Variants in STK32B observed in about 807,000 individuals in gnomAD.
The protein encoded by STK32B is serine/threonine-protein kinase 32B.
STK32B carries 43 observed loss-of-function variants against 52.6 expected under a neutral mutation model. The observed-to-expected ratio is 0.82, with a 90% CI of 0.64 to 1.05. The LOEUF (loss-of-function observed/expected upper bound fraction) is 1.05. Ranked by LOEUF, STK32B falls within the 50% of genes least tolerant of loss-of-function variation. STK32B has a pLI of 0.00. For synonymous variants in STK32B, 238 were observed against 204.3 expected, an observed-to-expected ratio of 1.17 and a Z score of -1.41; for missense variants, 621 against 534.6, an observed-to-expected ratio of 1.16 and a Z score of -1.59.
At chr4:5,494,604 T>C (rs1176878981) in intron 11 of STK32B, among the ~76,000 whole-genome samples, 4 of 152,174 alleles carry the variant, frequency 2.6e-5, no homozygotes, top group Non-Finnish European at 4.4e-5. Flanking sequence ...ATGTGTGAAT[T>C]TGATCCTGTC....
intron 6 of STK32B, among the ~76,000 whole-genome samples, chr4:5,418,448 C>T (rs1314376114): frequency 6.6e-6 from 1 of 152,232 alleles, no homozygotes. Flanking sequence ...GTAATCAGTG[C>T]TGCACAAAGG....
chr4:5,462,153 ATGTGTCTG>A (rs568170746), intron 9 of STK32B, among the ~76,000 whole-genome samples: 313 of 146,410 alleles, frequency 2.1e-3, no homozygotes, highest in African/African-American at 7.3e-3. Flanking sequence ...GTGTGTACCC[ATGTGTCTG>A]TGTGTCTGTA....
Position 5,267,602 on chromosome 4 carries a change from A to G in STK32B, c.261-63618A>G, listed in dbSNP as rs553298316. 2.0e-5 allele frequency among the ~76,000 whole-genome samples: 3 copies of G among 152,340 alleles called. No homozygotes were observed. The South Asian group carries it at 6.2e-4, about 32-fold the overall frequency. The stretch of plus-strand genomic sequence containing the variant: ...CCCAGGGTCGCGCAGCAAGTCTGGC[A>G]CACAGTAAGTCAGTCGCACAGCTGG... On this transcript the variant is annotated intron_variant, in intron 3 of 11. Transcript: ENST00000282908.
At chr4:5,402,475 G>C (rs778808787) in intron 5 of STK32B, among the ~76,000 whole-genome samples, 1 of 152,252 alleles carries the variant, frequency 6.6e-6, no homozygotes, top group South Asian at 2.1e-4. Context: ...TGACCATAAA[G>C]AATGTAGTCT....
At chr4:5,367,482 T>C (rs1734949796) in intron 4 of STK32B, among the ~76,000 whole-genome samples, 1 of 151,298 alleles carries the variant, frequency 6.6e-6, no homozygotes, top group Admixed American at 6.6e-5. Flanking sequence ...TAGTGGAGGC[T>C]GGGGGGTCGC....
chr4:5,134,892 C>T (rs1715986026), intron 1 of STK32B, among the ~76,000 whole-genome samples: 1 of 152,230 alleles, frequency 6.6e-6, no homozygotes, highest in Non-Finnish European at 1.5e-5. Flanking sequence ...TACTAGCCAT[C>T]TTGAAAGTTC....
intron 4 of STK32B, among the ~76,000 whole-genome samples, chr4:5,385,702 T>A (rs1424746291): frequency 6.6e-6 from 1 of 152,080 alleles, no homozygotes; most frequent in Non-Finnish European, 1.5e-5. Flanking sequence ...AGCAGAGATC[T>A]AAGGCTCCTG....
chr4:5,192,283 G>A (rs11729621), intron 3 of STK32B, among the ~76,000 whole-genome samples: 14,957 of 152,270 alleles, frequency 0.098, 890 homozygotes, highest in Non-Finnish European at 0.13. Flanking sequence ...GACCCCCGCT[G>A]TGTACAACTC....
At chr4:5,481,152 C>T (rs558389989) in intron 11 of STK32B, among the ~76,000 whole-genome samples, 2 of 152,276 alleles carry the variant, frequency 1.3e-5, no homozygotes, top group Non-Finnish European at 2.9e-5. Flanking sequence ...CCTGAGGAAT[C>T]GCGACACTGA....
chr4:5,116,514 A>T (rs1449906380), intron 1 of STK32B, among the ~76,000 whole-genome samples: 2 of 152,182 alleles, frequency 1.3e-5, no homozygotes, highest in Non-Finnish European at 2.9e-5. Context: ...AGAACACTTA[A>T]TATCTACTCT....
At chr4:5,153,279 G>C (rs916361390) in intron 2 of STK32B, among the ~76,000 whole-genome samples, 2 of 152,168 alleles carry the variant, frequency 1.3e-5, no homozygotes, top group Admixed American at 6.5e-5. Context: ...CTCTGGGTCA[G>C]AGCCTGCTTC....
intron 3 of STK32B, among the ~76,000 whole-genome samples, chr4:5,320,091 C>G (rs1044206094): frequency 2.0e-5 from 3 of 152,162 alleles, no homozygotes; most frequent in African/African-American, 4.8e-5. Context: ...CAAGTCTCCA[C>G]TCTACCTAGA....
At position 5,241,317 on chromosome 4, in the gene STK32B, G is replaced by A. The variant is rs139723128; in HGVS notation, c.260+72867G>A. 2.0e-3 allele frequency among the ~76,000 whole-genome samples: 303 copies of A among 152,190 alleles called. 1 individual carries two copies. The highest frequency in any genetic ancestry group is 3.7e-3 in the Non-Finnish European group (249 of 68,010). ...ATACCAGTATAATAAAAAGATTTGAGGATCGTTGCCCCATGTACCATTATT... is the reference window on the plus strand; with the variant it reads ...ATACCAGTATAATAAAAAGATTTGAAGATCGTTGCCCCATGTACCATTATT... On this transcript the variant is annotated intron_variant, in intron 3 of 11. Coordinates refer to ENST00000282908, the MANE Select transcript of STK32B (RefSeq NM_018401.3).
chr4:5,455,363 C>T (rs1208915089), intron 7 of STK32B, among the ~76,000 whole-genome samples: 2 of 152,234 alleles, frequency 1.3e-5, no homozygotes, highest in East Asian at 3.8e-4. Flanking sequence ...CCAATGACCA[C>T]AACCTGGGAG....
rs145293714 is a variant in STK32B, at chr4:5,467,703, C to G, written c.1042-303C>G. On this transcript the variant is annotated intron_variant, in intron 10 of 11. Coordinates refer to ENST00000282908, the MANE Select transcript of STK32B (RefSeq NM_018401.3). This position sits in a 1 kb window ranked among gnomAD's most constrained non-coding sequence, Gnocchi z 5.8. ...TGAATTTCTGGTTTTCCATGCCCCTCACGTGGGCCTTAAGTGGTCAGGAAA... is the reference window on the plus strand; with the variant it reads ...TGAATTTCTGGTTTTCCATGCCCCTGACGTGGGCCTTAAGTGGTCAGGAAA... 1.8e-3 allele frequency among the ~76,000 whole-genome samples: 271 copies of G among 152,300 alleles called. No homozygotes were observed. Among genetic ancestry groups the G allele is most frequent in the African/African-American group, 6.4e-3 (264 of 41,568 alleles).
At chr4:5,277,150 A>G (rs553168043) in intron 3 of STK32B, among the ~76,000 whole-genome samples, 1 of 152,324 alleles carries the variant, frequency 6.6e-6, no homozygotes, top group Admixed American at 6.5e-5. Flanking sequence ...TTTTCAAAAT[A>G]GGATATAACA....
In STK32B at chr4:5,239,387, C is replaced by T. The variant is rs371926738; in HGVS notation, c.260+70937C>T. On this transcript the variant is annotated intron_variant, in intron 3 of 11. Transcript: ENST00000282908. ...TTGGAGGCAGGCAGGAGGTCGGCAC[C>T]GTCTGTCCAGGTGATTTGTTCTCTA... is the stretch of plus-strand genomic sequence containing the variant. 6.6e-5 allele frequency among the ~76,000 whole-genome samples: 10 copies of T among 152,202 alleles called. No homozygotes were observed. In the South Asian group the frequency reaches 8.3e-4, roughly 13 times the overall value.
intron 3 of STK32B, among the ~76,000 whole-genome samples, chr4:5,314,916 G>A (rs1365444727): frequency 1.3e-5 from 2 of 152,104 alleles, no homozygotes; most frequent in Admixed American, 1.3e-4. Flanking sequence ...AGAGCTAAGT[G>A]AAGAGTCTTC....
intron 3 of STK32B, among the ~76,000 whole-genome samples, chr4:5,317,071 T>TTA (rs1553871503): frequency 6.9e-5 from 2 of 29,024 alleles, no homozygotes; most frequent in Admixed American, 6.3e-4. Context: ...ATATAATATA[T>TTA]TATATATTAT....
Sources: allele counts gnomAD v4.1 joint callset (sites outside exome capture counted in the v4.1 genomes callset), GRCh38; gene constraint gnomAD v4.1.1; non-coding constraint Gnocchi (gnomAD v3.1); transcripts MANE v1.5; gene names NCBI Gene and HGNC (gene_info 2026-07-23, HGNC 2026-07-21).